Variants in MTA3 observed in about 807,000 individuals in gnomAD.
The protein encoded by MTA3 is metastasis-associated protein MTA3.
In MTA3, 34 loss-of-function variants were observed where a neutral mutation model predicts 83.5. The observed-to-expected ratio is 0.41, with a 90% CI of 0.31 to 0.54. MTA3 has a LOEUF of 0.54. MTA3 is among the 20% of genes least tolerant of loss of function. The probability of loss-of-function intolerance (pLI) is 0.33; values close to 1 mark genes in which losing one functional copy is unlikely to be tolerated. For missense variants in MTA3, 761 were observed against 726.4 expected (o/e 1.05, Z -0.55); for synonymous variants, 303 against 252.7 (o/e 1.20, Z -1.89).
intron 16 of MTA3, among the ~76,000 whole-genome samples, chr2:42,739,234 TC>T (rs1254798815): frequency 1.3e-5 from 2 of 152,008 alleles, no homozygotes; most frequent in Non-Finnish European, 2.9e-5. Context: ...TTGTACACTG[TC>T]CCTTTATTTC....
intron 3 of MTA3, among the ~76,000 whole-genome samples, chr2:42,585,930 C>A (rs979045497): frequency 3.9e-5 from 6 of 151,920 alleles, no homozygotes; most frequent in Non-Finnish European, 7.4e-5. Context: ...AGAGTGACAC[C>A]TGTGTCTCTT....
chr2:42,532,862 T>C (rs1229091863), intron 2 of MTA3: 2 of 368,416 alleles, frequency 5.4e-6, no homozygotes, highest in South Asian at 2.7e-5. Flanking sequence ...GGCACTTCAG[T>C]TGAACCCAGG....
intron 4 of MTA3, among the ~76,000 whole-genome samples, chr2:42,622,305 C>G (rs1685652771): frequency 6.6e-6 from 1 of 151,164 alleles, no homozygotes; most frequent in Non-Finnish European, 1.5e-5. Context: ...ACTCAGCAGG[C>G]TGAGGCAGGA....
chr2:42,570,478 A>G lies in MTA3; in HGVS notation c.70A>G (p.Ile24Val), dbSNP rs767788336. Residue 24 changes from isoleucine to valine, a missense_variant, in exon 2 of 17, where the codon ATA becomes GTA. Ile to Val is a conservative substitution (Grantham distance 29). Coordinates refer to ENST00000405094, the MANE Select transcript of MTA3 (RefSeq NM_001330442.2). ...GAATTCCTCCAGCAACCCATACCTA[A>G]TAAGAAGGATAGAAGAACTCAACAA... ...FENSSSNPYL[I>V]RRIEELNKTA... 18 of 1,542,412 alleles carry G rather than the reference A, an allele frequency of 1.2e-5. No homozygotes were observed. The highest frequency in any genetic ancestry group is 1.4e-5 in the Non-Finnish European group (16 of 1,135,030).
At chr2:42,616,263 A>G (rs1031896078) in intron 4 of MTA3, among the ~76,000 whole-genome samples, 3 of 151,686 alleles carry the variant, frequency 2.0e-5, no homozygotes, top group African/African-American at 7.3e-5. Flanking sequence ...GGGTTTCACC[A>G]TGTTGGCCAG....
At chr2:42,702,946 A>G (rs1665715747) in intron 11 of MTA3, 1 of 152,244 alleles carries the variant, frequency 6.6e-6, no homozygotes, top group African/African-American at 2.4e-5. Flanking sequence ...CTTCTGGTAG[A>G]TGTCTCTTCC....
intron 14 of MTA3, among the ~76,000 whole-genome samples, chr2:42,715,514 CCCT>C (rs1472078564): frequency 4.7e-5 from 7 of 149,828 alleles, no homozygotes; most frequent in African/African-American, 1.5e-4. Context: ...AAGGGATCCT[CCCT>C]CCTCCTCCTC....
intron 16 of MTA3, among the ~76,000 whole-genome samples, chr2:42,736,965 G>A (rs1668655299): frequency 6.6e-6 from 1 of 152,178 alleles, no homozygotes; most frequent in Non-Finnish European, 1.5e-5. Flanking sequence ...TGTGTCTGGT[G>A]CCCCATCCTA....
chr2:42,552,344 T>A (rs953742590), intron 2 of MTA3, among the ~76,000 whole-genome samples: 8 of 152,164 alleles, frequency 5.3e-5, no homozygotes, highest in African/African-American at 1.9e-4. Flanking sequence ...CTTTCTTAGA[T>A]AAATTAATGA....
At position 42,697,799 on chromosome 2, in the gene MTA3, T is replaced by C; in HGVS notation, c.990T>C (p.Ala330=). The C allele has an allele frequency of 6.5e-7, 1 of 1,545,556 alleles. No homozygotes were observed. The highest frequency in any genetic ancestry group is 8.7e-7 in the Non-Finnish European group (1 of 1,147,598). The change falls in exon 11 of 17, where the codon GCT becomes GCC. Residue 330 remains alanine (A), a synonymous_variant. Transcript: ENST00000405094. The part of the protein sequence containing the change: ...VQQKRLKAAE[A]ESKLKQVYIP... ...AGAAACGTCTAAAAGCAGCAGAAGC[T>C]GAGAGTAAACTGAAACAAGTATATA...
intron 16 of MTA3, among the ~76,000 whole-genome samples, chr2:42,732,485 G>T (rs1668299704): frequency 6.6e-6 from 1 of 152,202 alleles, no homozygotes; most frequent in South Asian, 2.1e-4. Flanking sequence ...CCTGGCCTAT[G>T]AAACCACTTT....
chr2:42,722,726 C>T (rs780183498), intron 15 of MTA3, among the ~76,000 whole-genome samples, 163 bp from the exon 16 acceptor site: 2 of 152,124 alleles, frequency 1.3e-5, no homozygotes, highest in African/African-American at 4.8e-5. Flanking sequence ...AAAGCCATGG[C>T]AACAACACTT....
intron 2 of MTA3, among the ~76,000 whole-genome samples, chr2:42,544,455 A>G (rs893534222): frequency 6.6e-6 from 1 of 151,718 alleles, no homozygotes; most frequent in African/African-American, 2.4e-5. Flanking sequence ...CCATCTCAAA[A>G]AAAAACAAAA....
chr2:42,619,010 C>G (rs1573320651), intron 4 of MTA3, among the ~76,000 whole-genome samples: 1 of 152,166 alleles, frequency 6.6e-6, no homozygotes, highest in Non-Finnish European at 1.5e-5. Context: ...GTAGCTGCCT[C>G]TCATGTTAAG....
At chr2:42,655,721 A>G (rs1409044493) in intron 6 of MTA3, among the ~76,000 whole-genome samples, 4 of 151,842 alleles carry the variant, frequency 2.6e-5, no homozygotes, top group Non-Finnish European at 5.9e-5. Flanking sequence ...TCGTGCCTCA[A>G]CCTCCCGAGT....
At chr2:42,519,038 G>C (rs919549044) in intron 2 of MTA3, among the ~76,000 whole-genome samples, 5 of 148,290 alleles carry the variant, frequency 3.4e-5, no homozygotes, top group African/African-American at 1.2e-4. Flanking sequence ...CACGAATATA[G>C]TATGGAAAGG....
chr2:42,598,675 G>A (rs1350166152), intron 3 of MTA3, among the ~76,000 whole-genome samples: 1 of 152,072 alleles, frequency 6.6e-6, no homozygotes, highest in Non-Finnish European at 1.5e-5. Flanking sequence ...TGGCATTATG[G>A]GGCAGATAAA....
intron 16 of MTA3, among the ~76,000 whole-genome samples, chr2:42,733,669 G>A (rs1203523128): frequency 2.0e-5 from 3 of 151,966 alleles, no homozygotes; most frequent in Non-Finnish European, 4.4e-5. Flanking sequence ...TTTTGTTATT[G>A]TTGTTGTTTT....
chr2:42,529,658 G>A (rs148588976), intron 2 of MTA3, among the ~76,000 whole-genome samples: 9 of 152,280 alleles, frequency 5.9e-5, no homozygotes, highest in East Asian at 3.9e-4. Context: ...GGGTAGCAGC[G>A]GTGTGAGACA....
Sources: gnomAD v4.1 joint callset for allele counts (sites outside exome capture counted in the v4.1 genomes callset) on GRCh38, gnomAD v4.1.1 for gene constraint, MANE v1.5 for transcripts, NCBI Gene and HGNC (gene_info 2026-07-23, HGNC 2026-07-21) for gene names.